Variants in SOX5 observed in about 807,000 individuals in gnomAD.
SOX5 encodes the protein SRY-box transcription factor 5, also known as transcription factor SOX-5.
Under a neutral mutation model 92.0 loss-of-function variants are expected in SOX5, and 9 were observed. That is an observed-to-expected ratio of 0.10 (90% confidence interval 0.06 to 0.17). The LOEUF (loss-of-function observed/expected upper bound fraction) is 0.17, where lower values mean the gene tolerates loss of function less well. SOX5 is among the 10% of genes least tolerant of loss of function. The pLI, the probability that SOX5 is intolerant of heterozygous loss-of-function variation, is 1.00. For synonymous variants in SOX5, 344 were observed against 336.3 expected, an observed-to-expected ratio of 1.02 and a Z score of -0.25; for missense variants, 642 against 944.5, an observed-to-expected ratio of 0.68 and a Z score of 4.20.
chr12:23,887,914 T>C (rs2097087378), intron 2 of SOX5, among the ~76,000 whole-genome samples: 1 of 117,434 alleles, frequency 8.5e-6, no homozygotes, highest in Non-Finnish European at 1.8e-5. Flanking sequence ...GTCCAGTGTG[T>C]ATATGTGTGT....
intron 4 of SOX5, among the ~76,000 whole-genome samples, chr12:24,036,449 T>G (rs1261895158): frequency 6.6e-6 from 1 of 152,206 alleles, no homozygotes; most frequent in African/African-American, 2.4e-5. Flanking sequence ...AGGGTTGATT[T>G]TCAAGGTAAC....
At position 23,533,405 on chromosome 12, in the gene SOX5, G is replaced by A; in HGVS notation, c.*814C>T. The A allele has an allele frequency of 3.6e-6, 1 of 280,998 alleles. No individual in the cohort carries two copies. Among genetic ancestry groups the A allele is most frequent in the Non-Finnish European group, 7.3e-6 (1 of 137,526 alleles). The allele number at this position is 280,998 out of a possible 1,614,324, so 17.4% of individuals were successfully genotyped here. ...GCTGCTGGTATTTCAGGTTTTTCAA[G>A]GGATTGTCTAAGATTTAACACTGTC... On this transcript the variant is annotated 3_prime_UTR_variant, in exon 15 of 15. Coordinates refer to ENST00000451604, the MANE Select transcript of SOX5 (RefSeq NM_006940.6).
intron 3 of SOX5, among the ~76,000 whole-genome samples, chr12:23,836,316 C>T (rs973559752): frequency 1.3e-5 from 2 of 151,872 alleles, no homozygotes; most frequent in African/African-American, 4.8e-5. Context: ...CTTTAGCATC[C>T]CATTCAGTTA....
At chr12:24,521,675 C>T (rs137955873) in intron 1 of SOX5, among the ~76,000 whole-genome samples, 332 of 151,914 alleles carry the variant, frequency 2.2e-3, no homozygotes, top group African/African-American at 7.4e-3. Flanking sequence ...AATTCACAAA[C>T]GCATGGAAAG....
chr12:24,274,181 C>T (rs568687055), intron 3 of SOX5, among the ~76,000 whole-genome samples: 2 of 152,230 alleles, frequency 1.3e-5, no homozygotes, highest in African/African-American at 4.8e-5. Flanking sequence ...ACCAATTTTT[C>T]TATTTTATTG....
rs539194334 is a variant in SOX5 at position 23,768,328 on chromosome 12, G to A, written c.482-12604C>T. ...GTGTTCCACATGTCAGAAACTCAAA[G>A]GTGTTTATACCGCTGGGAATCTTCT... On this transcript the variant is annotated intron_variant, in intron 3 of 14. Coordinates refer to ENST00000451604, the MANE Select transcript of SOX5 (RefSeq NM_006940.6). Among the ~76,000 whole-genome samples the A allele has an allele frequency of 6.6e-5, 10 of 152,066 alleles. No individual in the cohort carries two copies. The South Asian group carries it at 1.5e-3, about 22-fold the overall frequency.
At chr12:23,612,947 C>G (rs1168775335) in intron 8 of SOX5, among the ~76,000 whole-genome samples, 1 of 152,108 alleles carries the variant, frequency 6.6e-6, no homozygotes, top group East Asian at 1.9e-4. Context: ...TCTTTCAAAA[C>G]ACAGCAGCAT....
chr12:24,039,240 A>G (rs1312054068), intron 4 of SOX5, among the ~76,000 whole-genome samples: 3 of 152,218 alleles, frequency 2.0e-5, no homozygotes, highest in African/African-American at 7.2e-5. Context: ...ACACAGATTC[A>G]AAAGGAGATG....
chr12:24,464,271 AG>A (rs1386776552), intron 1 of SOX5, among the ~76,000 whole-genome samples: 1 of 152,128 alleles, frequency 6.6e-6, no homozygotes, highest in Non-Finnish European at 1.5e-5. Flanking sequence ...TGAAATGTGA[AG>A]CTTGTGTTTG....
At chr12:23,780,113 T>A (rs978595762) in intron 3 of SOX5, among the ~76,000 whole-genome samples, 1 of 151,826 alleles carries the variant, frequency 6.6e-6, no homozygotes, top group Admixed American at 6.6e-5. Flanking sequence ...ATTGATATTG[T>A]CATTTTAGGA....
chr12:23,817,518 G>T lies in SOX5; in HGVS notation c.481+28465C>A, dbSNP rs528667869. Among the ~76,000 whole-genome samples the T allele has an allele frequency of 1.4e-3, 206 of 152,288 alleles. 1 individual carries two copies. Among genetic ancestry groups the T allele is most frequent in the African/African-American group, 4.6e-3 (190 of 41,562 alleles). On this transcript the variant is annotated intron_variant, in intron 3 of 14. Transcript: ENST00000451604. ...TGAAAATATCCAGATAAGCTGGCAT[G>T]ATGAGTGAAACTACTTTAAAAGAAG...
chr12:24,378,186 A>G (rs952874425), intron 1 of SOX5, among the ~76,000 whole-genome samples: 1 of 152,216 alleles, frequency 6.6e-6, no homozygotes, highest in African/African-American at 2.4e-5. Context: ...TTTGTGTCTC[A>G]GTTTCCTTCT....
intron 10 of SOX5, among the ~76,000 whole-genome samples, 169 bp from the exon 11 acceptor site, chr12:23,563,572 T>A (rs1463021733): frequency 6.6e-6 from 1 of 152,258 alleles, no homozygotes; most frequent in African/African-American, 2.4e-5. Context: ...GACTGATCCA[T>A]ATAGTCATAC....
chr12:23,865,636 C>G (rs1479668158), intron 2 of SOX5, among the ~76,000 whole-genome samples: 1 of 152,110 alleles, frequency 6.6e-6, no homozygotes, highest in Non-Finnish European at 1.5e-5. Context: ...GATCACACCA[C>G]TGCATTCCCG....
chr12:24,484,745 C>A (rs563491001), intron 1 of SOX5, among the ~76,000 whole-genome samples: 43 of 152,294 alleles, frequency 2.8e-4, no homozygotes, highest in African/African-American at 9.9e-4. Flanking sequence ...AAATCACTTT[C>A]CAGTGAACAC....
At chr12:24,378,798 T>A (rs1190796981) in intron 1 of SOX5, among the ~76,000 whole-genome samples, 1 of 152,190 alleles carries the variant, frequency 6.6e-6, no homozygotes, top group Non-Finnish European at 1.5e-5. Flanking sequence ...TACTTACCGC[T>A]GTGAGCACTC....
At chr12:23,581,196 G>C (rs1438667136) in intron 9 of SOX5, among the ~76,000 whole-genome samples, 1 of 151,818 alleles carries the variant, frequency 6.6e-6, no homozygotes, top group African/African-American at 2.4e-5. Context: ...TCTTTGTTAA[G>C]GAGTTTTAAT....
At chr12:23,990,008 T>G (rs1950413548) in intron 4 of SOX5, among the ~76,000 whole-genome samples, 1 of 151,784 alleles carries the variant, frequency 6.6e-6, no homozygotes, top group African/African-American at 2.4e-5. Flanking sequence ...TATAAAGAGA[T>G]AGTGCCATTA....
chr12:24,019,324 T>C (rs914892974), intron 4 of SOX5, among the ~76,000 whole-genome samples: 12 of 152,152 alleles, frequency 7.9e-5, no homozygotes, highest in Non-Finnish European at 1.2e-4. Flanking sequence ...TTAGATAACA[T>C]ATAGACATCT....
Sources: allele counts gnomAD v4.1 joint callset (sites outside exome capture counted in the v4.1 genomes callset), GRCh38; gene constraint gnomAD v4.1.1; transcripts MANE v1.5; gene names NCBI Gene and HGNC (gene_info 2026-07-23, HGNC 2026-07-21).